The following MAGEA4 variants were observed in gnomAD, a reference collection of about 807,000 sequenced individuals.
MAGEA4 encodes melanoma-associated antigen 4.
Under a neutral mutation model 13.7 loss-of-function variants are expected in MAGEA4, and 1 was observed. The observed-to-expected ratio is 0.07, with a 90% CI of 0.03 to 0.35. The LOEUF (loss-of-function observed/expected upper bound fraction) is 0.35. Among genes scored for constraint, MAGEA4 ranks in the 10% least tolerant of loss-of-function variants. The probability of loss-of-function intolerance (pLI) is 0.99; values close to 1 mark genes in which losing one functional copy is unlikely to be tolerated. For synonymous variants in MAGEA4, 132 were observed against 101.1 expected (o/e 1.31, Z -1.83); for missense variants, 312 against 245.1 (o/e 1.27, Z -1.82).
In MAGEA4 at chrX:151,912,898, C is replaced by T; in HGVS notation, c.-209C>T. 1 of 123,330 alleles carries T rather than the reference C, an allele frequency of 8.1e-6. No individual in the cohort carries two copies. The highest frequency in any genetic ancestry group is 1.6e-5 in the Non-Finnish European group (1 of 61,149). The allele number at this position is 123,330 out of a possible 1,213,427, so 10.2% of individuals were successfully genotyped here. ...TTGCGCACTGGGGGTTAGAGACAAGCGAGCTTCTGCGTCTGACTCGCAGCT... is the reference window on the plus strand; with the variant it reads ...TTGCGCACTGGGGGTTAGAGACAAGTGAGCTTCTGCGTCTGACTCGCAGCT... On this transcript the variant is annotated 5_prime_UTR_variant, in exon 1 of 3. Coordinates refer to ENST00000276344, the MANE Select transcript of MAGEA4 (RefSeq NM_001011548.1).
chrX:151,920,298 A>T (rs1393441983), intron 1 of MAGEA4, among the ~76,000 whole-genome samples: 1 of 110,039 alleles, frequency 9.1e-6, no homozygotes, highest in East Asian at 2.9e-4. Context: ...TGAGAAGCTG[A>T]GGGAGAAGTC....
intron 1 of MAGEA4, among the ~76,000 whole-genome samples, 182 bp from the exon 2 acceptor site, chrX:151,923,271 C>T (rs774859115): frequency 4.4e-5 from 5 of 112,371 alleles, no homozygotes; most frequent in Non-Finnish European, 9.4e-5. Flanking sequence ...GGTTACAGAG[C>T]AGAGGATGCA....
intron 1 of MAGEA4, among the ~76,000 whole-genome samples, chrX:151,921,771 CAG>C (rs1391246190): frequency 2.7e-5 from 3 of 111,712 alleles, no homozygotes; most frequent in Non-Finnish European, 3.8e-5. Flanking sequence ...AGCAGAGCCT[CAG>C]GGTAGCAGAG....
Position 151,924,073 on chromosome X carries a change from C to T in MAGEA4, c.409C>T (p.Leu137=). ...AKELVTKAEM[L]ERVIKNYKRC... ...GGAGCTGGTCACAAAGGCAGAAATGCTGGAGAGAGTCATCAAAAATTACAA... is the reference window on the plus strand; with the variant it reads ...GGAGCTGGTCACAAAGGCAGAAATGTTGGAGAGAGTCATCAAAAATTACAA... The change falls in exon 3 of 3, where the codon CTG becomes TTG. Residue 137 remains leucine, a synonymous_variant. Transcript: ENST00000276344. 1 of 1,212,134 alleles carries T rather than the reference C, an allele frequency of 8.2e-7. No homozygotes were observed. Among genetic ancestry groups the T allele is most frequent in the Non-Finnish European group, 1.1e-6 (1 of 895,573 alleles).
chrX:151,923,369 C>T lies in MAGEA4; in HGVS notation c.-137-84C>T, dbSNP rs1933534380. ...ACACATAGGACTCCAAAGAGTCTGG[C>T]CTCACCTCCCTACCATCAATCCTGC... On this transcript the variant is annotated intron_variant, in intron 1 of 2. Coordinates refer to ENST00000276344, the MANE Select transcript of MAGEA4 (RefSeq NM_001011548.1). 3 of 772,252 alleles carry T rather than the reference C, an allele frequency of 3.9e-6. No homozygotes were observed. The African/African-American group carries it at 6.2e-5, about 16-fold the overall frequency. 63.6% of individuals were successfully genotyped at this position (772,252 alleles called of 1,213,427 possible). A position where few individuals can be genotyped will look rare whatever the true frequency, so the allele number is the denominator to read the frequency against.
Position 151,923,843 on chromosome X carries a change from C to G in MAGEA4, c.179C>G (p.Ala60Gly). ...TLEEVPAAESAGPPQSPQGAS... is the reference protein window; with the variant it reads ...TLEEVPAAESGGPPQSPQGAS... ...GAGGAAGTGCCTGCTGCTGAGTCAG[C>G]AGGTCCTCCCCAGAGTCCTCAGGGA... is the stretch of plus-strand genomic sequence containing the variant. The change falls in exon 3 of 3, where the codon GCA becomes GGA. Residue 60 changes from alanine to glycine, a missense_variant. Transcript: ENST00000276344. 1 of 1,210,715 alleles carries G rather than the reference C, an allele frequency of 8.3e-7. No individual in the cohort carries two copies. The highest frequency in any genetic ancestry group is 1.1e-6 in the Non-Finnish European group (1 of 895,121).
intron 1 of MAGEA4, chrX:151,919,541 C>T (rs1470426132): frequency 7.8e-6 from 4 of 511,763 alleles, no homozygotes; most frequent in Non-Finnish European, 9.4e-6. Flanking sequence ...GACCTCACTC[C>T]TCCCACCCCC....
rs528057915 is a variant in MAGEA4 at position 151,913,390 on chromosome X, C to G, written c.-138+421C>G. The G allele has an allele frequency of 3.2e-3, 636 of 198,842 alleles. 1 individual carries two copies. The highest frequency in any genetic ancestry group is 0.021 in the Middle Eastern group (7 of 335). 16.4% of individuals were successfully genotyped at this position (198,842 alleles called of 1,213,427 possible). A position where few individuals can be genotyped will look rare whatever the true frequency, so the allele number is the denominator to read the frequency against. ...TCTCCCACCCCCAAAAACCCGCCCC[C>G]TCCACCGACCTCACCCCTCCCACCC... On this transcript the variant is annotated intron_variant, in intron 1 of 2. Coordinates refer to ENST00000276344, the MANE Select transcript of MAGEA4 (RefSeq NM_001011548.1).
At position 151,924,897 on chromosome X, in the gene MAGEA4, G is replaced by A. The variant is rs527276181; in HGVS notation, c.*279G>A. ...TGAATCGTAGTTAACGTATATTGCT[G>A]TTAATATAGTTTAGGAGTAAGAGTC... On this transcript the variant is annotated 3_prime_UTR_variant, in exon 3 of 3. Coordinates refer to ENST00000276344, the MANE Select transcript of MAGEA4 (RefSeq NM_001011548.1). 1.5e-5 allele frequency: 4 copies of A among 268,585 alleles called. No individual in the cohort carries two copies. The highest frequency in any genetic ancestry group is 1.4e-4 in the South Asian group (1 of 7,184). 22.1% of individuals were successfully genotyped at this position (268,585 alleles called of 1,213,427 possible).
intron 1 of MAGEA4, among the ~76,000 whole-genome samples, chrX:151,921,727 G>A (rs774878871): frequency 1.8e-5 from 2 of 112,070 alleles, no homozygotes; most frequent in Admixed American, 1.9e-4. Flanking sequence ...CATCCACATC[G>A]AGGGCTGAAG....
intron 1 of MAGEA4, among the ~76,000 whole-genome samples, chrX:151,915,986 A>C (rs1360763808): frequency 2.3e-4 from 3 of 12,877 alleles, no homozygotes; most frequent in Admixed American, 1.4e-3. Context: ...CTCCTCTTCA[A>C]CCCCCCACCT....
rs761483501 is a variant in MAGEA4 at position 151,923,615 on chromosome X, T to A, written c.-50T>A. ...CTCTCCGTAGGCCTGTGGGTCCCCA[T>A]TGCCCAGCTTTTGCCTGCACTCTTG... On this transcript the variant is annotated 5_prime_UTR_variant, in exon 3 of 3. The change creates a new upstream start codon in the 5' untranslated region. Transcript: ENST00000276344. 5 of 1,210,950 alleles carry A rather than the reference T, an allele frequency of 4.1e-6. No individual in the cohort carries two copies. Among genetic ancestry groups the A allele is most frequent in the Non-Finnish European group, 5.6e-6 (5 of 895,419 alleles).
At chrX:151,919,726 A>G in intron 1 of MAGEA4, 2 of 753,576 alleles carry the variant, frequency 2.7e-6, no homozygotes, top group Non-Finnish European at 3.1e-6. Flanking sequence ...AGTCAAGGTG[A>G]GACGCTGAGG....
rs1218646416 is a variant in MAGEA4, at chrX:151,923,770, C to A, written c.106C>A (p.Gln36Lys). 1 of 1,208,027 alleles carries A rather than the reference C, an allele frequency of 8.3e-7. No homozygotes were observed. Reference protein sequence around the residue: ...VGAQAPTTEEQEAAVSSSSPL... With the variant: ...VGAQAPTTEEKEAAVSSSSPL... ...TGCACAGGCTCCTACTACTGAGGAG[C>A]AGGAGGCTGCTGTCTCCTCCTCCTC... Residue 36 changes from glutamine (Q) to lysine (K), a missense_variant, in exon 3 of 3, where the codon CAG (glutamine) becomes AAG (lysine). By Grantham distance (53) the Gln-to-Lys change is moderately conservative. Transcript: ENST00000276344.
At position 151,913,565 on chromosome X, in the gene MAGEA4, G is replaced by A. The variant is rs762608396; in HGVS notation, c.-138+596G>A. 565 of 747,766 alleles carry A rather than the reference G, an allele frequency of 7.6e-4. 1 individual carries two copies. The highest frequency in any genetic ancestry group is 5.1e-3 in the African/African-American group (214 of 41,968). The allele number at this position is 747,766 out of a possible 1,213,427, so 61.6% of individuals were successfully genotyped here. A position where few individuals can be genotyped will look rare whatever the true frequency, so the allele number is the denominator to read the frequency against. On this transcript the variant is annotated intron_variant, in intron 1 of 2. Transcript: ENST00000276344. ...AGCTTGGGATTGGCGGAGGGAAGCG[G>A]GCCAGGCCCTGTGAGGAGTCAAGGT...
intron 1 of MAGEA4, among the ~76,000 whole-genome samples, chrX:151,921,584 G>T (rs946836638): frequency 8.9e-6 from 1 of 112,104 alleles, no homozygotes; most frequent in Non-Finnish European, 1.9e-5. Context: ...AGGGAACTGA[G>T]GGCGCTACAC....
rs778747927 is a variant in MAGEA4, at chrX:151,924,282, C to T, written c.618C>T (p.Val206=). The T allele has an allele frequency of 1.7e-6, 2 of 1,210,965 alleles. No individual in the cohort carries two copies. Among genetic ancestry groups the T allele is most frequent in the Non-Finnish European group, 2.2e-6 (2 of 895,168 alleles). ...IFPKTGLLII[V]LGTIAMEGDS... ...CCAAGACAGGCCTTCTGATAATCGT[C>T]CTGGGCACAATTGCAATGGAGGGCG... Residue 206 remains valine (V), a synonymous_variant, in exon 3 of 3, where the codon GTC becomes GTT. Coordinates refer to ENST00000276344, the MANE Select transcript of MAGEA4 (RefSeq NM_001011548.1).
At position 151,923,433 on chromosome X, in the gene MAGEA4, T is replaced by C; in HGVS notation, c.-137-20T>C. Reference sequence around the variant, plus strand: ...GCTGGCCGGCTATACCCTGAGGTGCTCTCTCACTTCCTCCTTCAGGTTCTG... The same window carrying C: ...GCTGGCCGGCTATACCCTGAGGTGCCCTCTCACTTCCTCCTTCAGGTTCTG... On this transcript the variant is annotated intron_variant, in intron 1 of 2. Transcript: ENST00000276344. 8.6e-7 allele frequency: 1 copy of C among 1,167,205 alleles called. No individual in the cohort carries two copies. The highest frequency in any genetic ancestry group is 1.1e-6 in the Non-Finnish European group (1 of 871,963).
At chrX:151,919,096 T>C in intron 1 of MAGEA4, 1 of 738,660 alleles carries the variant, frequency 1.4e-6, no homozygotes, top group Non-Finnish European at 1.6e-6. Context: ...CCCCAAATAA[T>C]CCCGCACCAC....
Sources: gnomAD v4.1 joint callset for allele counts (sites outside exome capture counted in the v4.1 genomes callset) on GRCh38, gnomAD v4.1.1 for gene constraint, MANE v1.5 for transcripts, NCBI Gene and HGNC (gene_info 2026-07-23, HGNC 2026-07-21) for gene names.